The following KYAT1 variants were observed in gnomAD, a reference collection of about 807,000 sequenced individuals.
KYAT1 encodes the protein kynurenine aminotransferase 1, also known as kynurenine--oxoglutarate transaminase 1.
In KYAT1, 47 loss-of-function variants were observed where a neutral mutation model predicts 52.4. The ratio of observed to expected loss-of-function variants is 0.90; its 90% CI spans 0.71 to 1.14. The LOEUF is 1.14. Ranked by LOEUF, KYAT1 falls within the 50% of genes most tolerant of loss-of-function variation. The probability of loss-of-function intolerance (pLI) is 0.00; values close to 1 mark genes in which losing one functional copy is unlikely to be tolerated. For synonymous variants in KYAT1, 212 were observed against 209.6 expected (o/e 1.01, Z -0.10); for missense variants, 480 against 557.9 (o/e 0.86, Z 1.41).
intron 11 of KYAT1, among the ~76,000 whole-genome samples, chr9:128,834,126 C>T (rs189714436): frequency 3.8e-4 from 58 of 152,244 alleles, no homozygotes; most frequent in African/African-American, 1.4e-3. Flanking sequence ...GGTGTGGTGG[C>T]GCATGCCTGT....
intron 1 of KYAT1, among the ~76,000 whole-genome samples, chr9:128,874,606 T>G (rs1837701263): frequency 6.6e-6 from 1 of 150,730 alleles, no homozygotes; most frequent in African/African-American, 2.4e-5. Context: ...CCACTGCACC[T>G]GACATCTTCT....
chr9:128,874,296 A>C (rs1404753367), intron 1 of KYAT1, among the ~76,000 whole-genome samples: 1 of 150,822 alleles, frequency 6.6e-6, no homozygotes, highest in Non-Finnish European at 1.5e-5. Context: ...ACAGTGCTGC[A>C]GTCTTCCAGT....
At chr9:128,843,425 C>G (rs951191932) in intron 2 of KYAT1, among the ~76,000 whole-genome samples, 28 of 150,368 alleles carry the variant, frequency 1.9e-4, no homozygotes, top group African/African-American at 6.6e-4. Flanking sequence ...ATCCCCTAGG[C>G]TGGAGTGCAG....
At chr9:128,837,067 G>A (rs1443885191) in intron 6 of KYAT1, 145 bp from the exon 7 acceptor site, 1 of 1,012,270 alleles carries the variant, frequency 9.9e-7, no homozygotes, top group East Asian at 2.7e-5. Flanking sequence ...GCCGAGGCGG[G>A]CGGAACACTG....
intron 2 of KYAT1, among the ~76,000 whole-genome samples, chr9:128,844,730 T>G (rs948416788): frequency 1.6e-4 from 24 of 151,398 alleles, no homozygotes; most frequent in African/African-American, 5.8e-4. Context: ...CTGGGCGTTG[T>G]GTTGCACGCC....
intron 1 of KYAT1, among the ~76,000 whole-genome samples, chr9:128,850,362 GC>G (rs1833789640): frequency 6.6e-6 from 1 of 152,126 alleles, no homozygotes; most frequent in Non-Finnish European, 1.5e-5. Flanking sequence ...TTGTAACTTT[GC>G]CCCAGCCACT....
Position 128,838,220 on chromosome 9 carries a change from C to T in KYAT1, c.349G>A (p.Glu117Lys), listed in dbSNP as rs1214672618. 1.4e-5 allele frequency: 22 copies of T among 1,614,106 alleles called. No homozygotes were observed. The highest frequency in any genetic ancestry group is 3.3e-5 in the South Asian group (3 of 91,090). The stretch of plus-strand genomic sequence containing the variant: ...CAGCCCAAGTCTTGCCCACTCACCT[C>T]GTCTCCTTCGTCCACCAGGGCCTGG... Reference protein sequence around the residue: ...AFQALVDEGDEVIIIEPFFDC... With the variant: ...AFQALVDEGDKVIIIEPFFDC... Residue 117 changes from glutamate (E) to lysine (K), a missense_variant and splice_region_variant, in exon 4 of 13, where the codon GAG (glutamate) becomes AAG (lysine). By Grantham distance (56) the Glu-to-Lys change is moderately conservative (BLOSUM62 1). Coordinates refer to ENST00000302586, the MANE Select transcript of KYAT1 (RefSeq NM_004059.5).
intron 1 of KYAT1, among the ~76,000 whole-genome samples, chr9:128,863,172 A>G (rs1419063173): frequency 6.6e-6 from 1 of 151,842 alleles, no homozygotes; most frequent in Non-Finnish European, 1.5e-5. Context: ...GGTCTGTTCT[A>G]TTACCACACC....
chr9:128,837,558 G>T, intron 6 of KYAT1, 127 bp downstream of exon 6: 1 of 1,106,856 alleles, frequency 9.0e-7, no homozygotes, highest in Non-Finnish European at 1.3e-6. Flanking sequence ...TTGGTCCTCA[G>T]TGCTCATTGT....
At chr9:128,846,996 A>C (rs1588084246) in intron 1 of KYAT1, 1 of 782,110 alleles carries the variant, frequency 1.3e-6, no homozygotes, top group Admixed American at 2.9e-5. Context: ...AGGCTCAGGT[A>C]CCTGCCCAGG....
At chr9:128,865,336 TATATATATATATATATATATA>T (rs1564491636) in intron 1 of KYAT1, among the ~76,000 whole-genome samples, 18 of 2,174 alleles carry the variant, frequency 8.3e-3, no homozygotes, top group African/African-American at 0.015. Context: ...TATATATATA[TATATATATATATATATATATA>T]TATTTTTTTT....
chr9:128,858,252 C>A (rs1167273186), intron 1 of KYAT1, among the ~76,000 whole-genome samples: 1 of 151,322 alleles, frequency 6.6e-6, no homozygotes, highest in Non-Finnish European at 1.5e-5. Flanking sequence ...CAAAAATTAG[C>A]TGGGCGAAGT....
intron 1 of KYAT1, among the ~76,000 whole-genome samples, chr9:128,873,307 T>C (rs534631053): frequency 1.4e-5 from 2 of 146,216 alleles, no homozygotes; most frequent in Non-Finnish European, 3.0e-5. Flanking sequence ...AATTGGAGAC[T>C]AGCCTGGGCA....
intron 3 of KYAT1, among the ~76,000 whole-genome samples, chr9:128,839,594 C>T (rs898407346): frequency 6.6e-6 from 1 of 151,998 alleles, no homozygotes; most frequent in Non-Finnish European, 1.5e-5. Flanking sequence ...CACTGCACTC[C>T]AGCCTGGGCG....
intron 2 of KYAT1, among the ~76,000 whole-genome samples, chr9:128,843,751 G>A (rs1016978832): frequency 5.9e-5 from 9 of 152,122 alleles, no homozygotes; most frequent in Non-Finnish European, 1.5e-5. Flanking sequence ...CCTTCTTGGT[G>A]CAATCTACTG....
chr9:128,868,380 AT>A (rs1303699783), intron 1 of KYAT1, among the ~76,000 whole-genome samples: 2 of 149,592 alleles, frequency 1.3e-5, no homozygotes, highest in African/African-American at 4.9e-5. Context: ...TGGCCCACTG[AT>A]TTTTTTTTCC....
At chr9:128,849,665 T>A (rs767849697) in intron 1 of KYAT1, among the ~76,000 whole-genome samples, 2 of 147,778 alleles carry the variant, frequency 1.4e-5, no homozygotes, top group Admixed American at 6.8e-5. Flanking sequence ...GGCATGGTGG[T>A]TGGCACCTGT....
intron 1 of KYAT1, among the ~76,000 whole-genome samples, chr9:128,861,813 T>A (rs73669982): frequency 6.6e-6 from 1 of 152,136 alleles, no homozygotes; most frequent in African/African-American, 2.4e-5. Context: ...TGGGAGGCAC[T>A]CTGTGCCCTC....
intron 1 of KYAT1, among the ~76,000 whole-genome samples, chr9:128,865,328 TATATATATATATATATATATATATATA>T (rs1836105384): frequency 8.2e-5 from 3 of 36,642 alleles, no homozygotes; most frequent in South Asian, 8.8e-4. Flanking sequence ...TATATATATA[TATATATATATATATATATATATATATA>T]TATATTTTTT....
Sources: gnomAD v4.1 joint callset for allele counts (sites outside exome capture counted in the v4.1 genomes callset) on GRCh38, gnomAD v4.1.1 for gene constraint, MANE v1.5 for transcripts, NCBI Gene and HGNC (gene_info 2026-07-23, HGNC 2026-07-21) for gene names.